BTBD1: variants seen among roughly 807,000 people sequenced by gnomAD.
BTBD1 encodes the protein BTB/POZ domain-containing protein 1.
Under a neutral mutation model 48.0 loss-of-function variants are expected in BTBD1, and 34 were observed. The observed-to-expected ratio is 0.71, with a 90% confidence interval of 0.54 to 0.94. The LOEUF (loss-of-function observed/expected upper bound fraction) is 0.94. BTBD1 is among the 40% of genes least tolerant of loss of function. BTBD1 has a pLI of 0.00. For missense variants in BTBD1, 543 were observed against 625.6 expected (o/e 0.87, Z 1.41); for synonymous variants, 261 against 242.1 (o/e 1.08, Z -0.72).
chr15:83,018,850 T>C lies in BTBD1; in HGVS notation c.1147A>G (p.Ile383Val). ...AGGGTTTGCTTTTTCTCATATTCAA[T>C]GATCTGTAATTTTTAAGAGACAAGT... ...PTDYQVNIQI[I>V]EYEKKQTLGQ... is the part of the protein sequence containing the mutation. Residue 383 changes from isoleucine to valine, a missense_variant, in exon 7 of 8, where the codon ATT (isoleucine) becomes GTT (valine). By Grantham distance (29) the Ile-to-Val change is conservative (BLOSUM62 3). This residue lies in a region of BTBD1 where 300 missense variants were observed against 350.0 expected (regional missense o/e 0.86). Coordinates refer to ENST00000261721, the MANE Select transcript of BTBD1 (RefSeq NM_025238.4). 6.2e-7 allele frequency: 1 copy of C among 1,610,750 alleles called. No individual in the cohort carries two copies. Among genetic ancestry groups the C allele is most frequent in the Non-Finnish European group, 8.5e-7 (1 of 1,178,462 alleles).
At chr15:83,042,389 T>TATG in intron 3 of BTBD1, among the ~76,000 whole-genome samples, 1 of 119,454 alleles carries the variant, frequency 8.4e-6, no homozygotes, top group Admixed American at 8.2e-5. Flanking sequence ...TATGTATATA[T>TATG]TTTGGATATA....
rs1350747832 is a variant in BTBD1 at position 83,066,899 on chromosome 15, C to A, written c.253G>T (p.Gly85Trp). The change falls in exon 1 of 8, where the codon GGG (glycine) becomes TGG (tryptophan). Residue 85 changes from glycine (G) to tryptophan (W), a missense_variant. Coordinates refer to ENST00000261721, the MANE Select transcript of BTBD1 (RefSeq NM_025238.4). ...LGKGRGAAAA[G>W]GPQRIPAHRF... ...TGGGCGGGGATGCGCTGCGGGCCCC[C>A]AGCGGCGGCGGCGCCGCGACCCTTG... The A allele has an allele frequency of 1.3e-6, 2 of 1,514,636 alleles. No homozygotes were observed. The highest frequency in any genetic ancestry group is 1.4e-5 in the African/African-American group (1 of 69,258). The allele number at this position is 1,514,636 out of a possible 1,614,324, so 93.8% of individuals were successfully genotyped here. A position where few individuals can be genotyped will look rare whatever the true frequency, so the allele number is the denominator to read the frequency against.
chr15:83,044,403 C>G, intron 3 of BTBD1: 1 of 1,563,188 alleles, frequency 6.4e-7, no homozygotes, highest in Non-Finnish European at 8.7e-7. Context: ...GAAGATGGCG[C>G]CTGGTGGACA....
chr15:83,060,818 G>A (rs1384677417), intron 1 of BTBD1, among the ~76,000 whole-genome samples: 2 of 152,010 alleles, frequency 1.3e-5, no homozygotes, highest in Non-Finnish European at 2.9e-5. Context: ...ATAAAATAAA[G>A]TAAATTTTAA....
Position 83,016,788 on chromosome 15 carries a change from T to C in BTBD1, c.*1279A>G, listed in dbSNP as rs1445716614. 1 of 152,166 alleles carries C rather than the reference T, an allele frequency of 6.6e-6. No individual in the cohort carries two copies. Among genetic ancestry groups the C allele is most frequent in the Non-Finnish European group, 1.5e-5 (1 of 68,028 alleles). The allele number at this position is 152,166 out of a possible 1,614,324, so 9.4% of individuals were successfully genotyped here. A position where few individuals can be genotyped will look rare whatever the true frequency, so the allele number is the denominator to read the frequency against. On this transcript the variant is annotated 3_prime_UTR_variant, in exon 8 of 8. Coordinates refer to ENST00000261721, the MANE Select transcript of BTBD1 (RefSeq NM_025238.4). ...TTTCAAGAGACCTCAGCCACCAATA[T>C]ACCTACCTTCTTTACAATATAAAGT...
At chr15:83,034,032 A>G (rs1596430494) in intron 4 of BTBD1, among the ~76,000 whole-genome samples, 1 of 151,000 alleles carries the variant, frequency 6.6e-6, no homozygotes, top group East Asian at 1.9e-4. Flanking sequence ...ACGCTGGAGT[A>G]AGCTGAGATC....
chr15:83,044,286 C>G, intron 3 of BTBD1: 2 of 719,120 alleles, frequency 2.8e-6, no homozygotes, highest in Admixed American at 5.0e-5. Flanking sequence ...CTCAAAGGGT[C>G]AAAATAAATA....
intron 4 of BTBD1, 58 bp from the exon 5 acceptor site, chr15:83,030,386 G>A: frequency 7.1e-7 from 1 of 1,410,762 alleles, no homozygotes; most frequent in Non-Finnish European, 9.9e-7. Context: ...TCCTAACTTT[G>A]GAATTCACTT....
chr15:83,023,174 A>G (rs1230102054), intron 5 of BTBD1, among the ~76,000 whole-genome samples: 2 of 152,174 alleles, frequency 1.3e-5, no homozygotes, highest in East Asian at 3.9e-4. Context: ...CCTCTTTTTC[A>G]TGTAAAATGG....
chr15:83,066,693 TCCCAGCCCGG>T (rs1460162800), intron 1 of BTBD1, 48 bp downstream of exon 1: 13 of 1,217,374 alleles, frequency 1.1e-5, no homozygotes, highest in South Asian at 5.7e-5. Flanking sequence ...CCCGGGGATC[TCCCAGCCCGG>T]CCCGGCCCGG....
chr15:83,051,700 T>C (rs528210660), intron 2 of BTBD1, among the ~76,000 whole-genome samples: 1 of 151,854 alleles, frequency 6.6e-6, no homozygotes, highest in East Asian at 1.9e-4. Context: ...TCATTTGGAA[T>C]TTCCTTATTT....
At chr15:83,040,408 A>T (rs1158197294) in intron 4 of BTBD1, among the ~76,000 whole-genome samples, 1 of 152,186 alleles carries the variant, frequency 6.6e-6, no homozygotes, top group Non-Finnish European at 1.5e-5. Flanking sequence ...ATTATTTTTT[A>T]AAAAATCATG....
In BTBD1 at chr15:83,067,118, G is replaced by A. The variant is rs2033297284; in HGVS notation, c.34C>T (p.Gln12Ter). Residue 12 changes from glutamine to a stop codon, truncating the protein, a stop_gained, in exon 1 of 8, where the codon CAG becomes TAG. Transcript: ENST00000261721. LOFTEE classifies it high-confidence loss of function. Reference protein sequence around the residue: ...ASLGPAAAGEQASGAEAEPGP... With the variant: ...ASLGPAAAGE ...GGCTCCGCCTCAGCCCCCGACGCCT[G>A]CTCCCCAGCTGCGGCAGGCCCGAGT... 6.9e-7 allele frequency: 1 copy of A among 1,456,754 alleles called. No homozygotes were observed. Among genetic ancestry groups the A allele is most frequent in the Non-Finnish European group, 9.0e-7 (1 of 1,112,304 alleles). 90.2% of individuals were successfully genotyped at this position (1,456,754 alleles called of 1,614,324 possible).
chr15:83,032,977 A>AAAAAAAAAAAAAAAAAAAAAAAAAC (rs752456266), intron 4 of BTBD1, among the ~76,000 whole-genome samples: 3 of 149,414 alleles, frequency 2.0e-5, no homozygotes, highest in Non-Finnish European at 4.5e-5. Flanking sequence ...CTCAAAAAAA[A>AAAAAAAAAAAAAAAAAAAAAAAAAC]AAAAAAAAAA....
At chr15:83,049,005 T>C (rs1382276319) in intron 3 of BTBD1, among the ~76,000 whole-genome samples, 1 of 152,204 alleles carries the variant, frequency 6.6e-6, no homozygotes, top group African/African-American at 2.4e-5. Flanking sequence ...GCAAATAACA[T>C]AGTGGACTTG....
intron 4 of BTBD1, among the ~76,000 whole-genome samples, chr15:83,033,212 T>C (rs2032558786): frequency 1.3e-5 from 2 of 151,972 alleles, no homozygotes. Context: ...GGGCCCCATC[T>C]CTTTTTTTAA....
chr15:83,037,556 T>A (rs1299187389), intron 4 of BTBD1, among the ~76,000 whole-genome samples: 1 of 152,100 alleles, frequency 6.6e-6, no homozygotes, highest in Admixed American at 6.5e-5. Flanking sequence ...ACAAGAGCCA[T>A]CTATGATAAA....
At chr15:83,026,194 A>C (rs2032402626) in intron 5 of BTBD1, among the ~76,000 whole-genome samples, 1 of 152,182 alleles carries the variant, frequency 6.6e-6, no homozygotes, top group South Asian at 2.1e-4. Context: ...AATGGTTTTT[A>C]AATATACTTT....
intron 5 of BTBD1, among the ~76,000 whole-genome samples, chr15:83,029,110 ATAGT>A (rs5814134): frequency 0.19 from 28,995 of 152,034 alleles, 2,945 homozygotes; most frequent in Non-Finnish European, 0.22. Flanking sequence ...ATTTTTGCAT[ATAGT>A]TATTGTGAAT....
Sources: gnomAD v4.1 joint callset for allele counts (sites outside exome capture counted in the v4.1 genomes callset) on GRCh38, gnomAD v4.1.1 for gene constraint, gnomAD v4.1.1 regional missense constraint, MANE v1.5 for transcripts, NCBI Gene and HGNC (gene_info 2026-07-23, HGNC 2026-07-21) for gene names.